Variants in UCK2 observed in about 807,000 individuals in gnomAD.
The protein encoded by UCK2 is uridine-cytidine kinase 2.
A neutral mutation model predicts 30.8 loss-of-function variants in UCK2; 6 were observed. That is an observed-to-expected ratio of 0.19 (90% CI 0.11 to 0.38). The LOEUF (loss-of-function observed/expected upper bound fraction) is 0.38, where lower values mean the gene tolerates loss of function less well. Ranked by LOEUF, UCK2 falls within the 10% of genes least tolerant of loss-of-function variation. The pLI is 1.00. For synonymous variants in UCK2, 125 were observed against 133.6 expected, an observed-to-expected ratio of 0.94 and a Z score of 0.45; for missense variants, 210 against 339.8, an observed-to-expected ratio of 0.62 and a Z score of 3.00.
rs151187223 is a variant in UCK2, at chr1:165,861,080, G to A, written c.100-29124G>A. 3.9e-3 allele frequency among the ~76,000 whole-genome samples: 592 copies of A among 152,198 alleles called. 1 individual carries two copies. The highest frequency in any genetic ancestry group is 0.014 in the Middle Eastern group (4 of 294). The stretch of plus-strand genomic sequence containing the variant: ...CAGTAGATTCAGTGTCTGGTGGGGG[G>A]CCCATTCTCTGCTTCATAGTTAGTG... On this transcript the variant is annotated intron_variant, in intron 1 of 6. Transcript: ENST00000367879.
At chr1:165,866,108 G>T (rs1655040956) in intron 1 of UCK2, among the ~76,000 whole-genome samples, 1 of 152,172 alleles carries the variant, frequency 6.6e-6, no homozygotes, top group African/African-American at 2.4e-5. Context: ...CTTCCTGGAA[G>T]AGGAAGTTAA....
rs1647259138 is a variant in UCK2, at chr1:165,896,263, G to C, written c.430G>C (p.Glu144Gln). Residue 144 changes from glutamate (E) to glutamine (Q), a missense_variant, in exon 4 of 7, where the codon GAG becomes CAG. By Grantham distance (29) the Glu-to-Gln change is conservative. Transcript: ENST00000367879. ...FEGILAFYSQ[E>Q]VRDLFQMKLF... is the part of the protein sequence containing the mutation. ...AGGGATCCTGGCCTTCTACTCCCAG[G>C]AGGTACGAGACCTGTTCCAGATGAA... 1.9e-6 allele frequency: 3 copies of C among 1,614,220 alleles called. No individual in the cohort carries two copies. Among genetic ancestry groups the C allele is most frequent in the South Asian group, 1.1e-5 (1 of 91,090 alleles).
At position 165,908,537 on chromosome 1, in the gene UCK2, C is replaced by G. The variant is rs1039405062; in HGVS notation, c.*714C>G. On this transcript the variant is annotated 3_prime_UTR_variant, in exon 7 of 7. Transcript: ENST00000367879. ...AAGTCTTCTGCATTTTCTTCCTGCC[C>G]TGCTCCCACCTTCTCGCCTCTGGCT... The G allele has an allele frequency of 3.3e-5, 5 of 151,276 alleles. No individual in the cohort carries two copies. Among genetic ancestry groups the G allele is most frequent in the Non-Finnish European group, 7.4e-5 (5 of 67,944 alleles). The allele number at this position is 151,276 out of a possible 1,614,324, so 9.4% of individuals were successfully genotyped here. A position where few individuals can be genotyped will look rare whatever the true frequency, so the allele number is the denominator to read the frequency against.
intron 1 of UCK2, 138 bp downstream of exon 1, chr1:165,828,070 G>A: frequency 4.5e-6 from 2 of 445,478 alleles, no homozygotes; most frequent in Non-Finnish European, 6.2e-6. Context: ...GCGCTCCAGC[G>A]CCGAGTGCGC....
chr1:165,903,393 G>C (rs898463582), intron 5 of UCK2, 114 bp downstream of exon 5: 4 of 860,688 alleles, frequency 4.6e-6, no homozygotes, highest in Non-Finnish European at 5.5e-6. Context: ...TCCTCTCTCT[G>C]AGTGATCCTC....
chr1:165,853,898 C>G (rs1654661184), intron 1 of UCK2, among the ~76,000 whole-genome samples: 1 of 152,138 alleles, frequency 6.6e-6, no homozygotes, highest in Non-Finnish European at 1.5e-5. Context: ...TTTGGAATGT[C>G]CACTCATGGG....
rs59187875 is a variant in UCK2, at chr1:165,835,956, C to T, written c.99+8024C>T. Among the ~76,000 whole-genome samples the T allele has an allele frequency of 1.6e-3, 246 of 152,264 alleles. 1 individual carries two copies. The highest frequency in any genetic ancestry group is 5.6e-3 in the African/African-American group (233 of 41,538). Reference sequence around the variant, plus strand: ...CAAAACAAATGGATACTGCCGGGCGCGGTGGCTCATGCCTGTAATCCTAGC... The same window carrying T: ...CAAAACAAATGGATACTGCCGGGCGTGGTGGCTCATGCCTGTAATCCTAGC... On this transcript the variant is annotated intron_variant, in intron 1 of 6. Coordinates refer to ENST00000367879, the MANE Select transcript of UCK2 (RefSeq NM_012474.5).
chr1:165,908,757 A>G lies in UCK2; in HGVS notation c.*934A>G. 6.6e-6 allele frequency: 1 copy of G among 152,360 alleles called. No individual in the cohort carries two copies. Among genetic ancestry groups the G allele is most frequent in the East Asian group, 1.9e-4 (1 of 5,196 alleles). The allele number at this position is 152,360 out of a possible 1,614,324, so 9.4% of individuals were successfully genotyped here. Reference sequence around the variant, plus strand: ...GTTCTTTCTGCATCCCAGGGGCGTAACTGATCTGACTCCTTGGGCTTTTTC... The same window carrying G: ...GTTCTTTCTGCATCCCAGGGGCGTAGCTGATCTGACTCCTTGGGCTTTTTC... On this transcript the variant is annotated 3_prime_UTR_variant, in exon 7 of 7. Transcript: ENST00000367879.
At chr1:165,837,979 A>G (rs1205091311) in intron 1 of UCK2, among the ~76,000 whole-genome samples, 8 of 152,200 alleles carry the variant, frequency 5.3e-5, no homozygotes, top group Admixed American at 5.2e-4. Flanking sequence ...CAGGCTGTCT[A>G]GAGAGAGCTT....
chr1:165,889,326 C>T (rs1208097263), intron 1 of UCK2, among the ~76,000 whole-genome samples: 2 of 152,178 alleles, frequency 1.3e-5, no homozygotes, highest in Non-Finnish European at 2.9e-5. Context: ...GTTTTTGGTT[C>T]CGTTGATATA....
intron 1 of UCK2, among the ~76,000 whole-genome samples, chr1:165,863,340 T>C (rs1654966483): frequency 6.6e-6 from 1 of 152,242 alleles, no homozygotes; most frequent in African/African-American, 2.4e-5. Context: ...AACATAGACT[T>C]TTCTGGATCT....
At chr1:165,833,090 G>T (rs1654094561) in intron 1 of UCK2, among the ~76,000 whole-genome samples, 1 of 152,168 alleles carries the variant, frequency 6.6e-6, no homozygotes, top group Middle Eastern at 3.2e-3. Flanking sequence ...TTCAGAATGT[G>T]CTCTGGACCC....
At chr1:165,904,994 G>A (rs1647602931) in intron 5 of UCK2, among the ~76,000 whole-genome samples, 1 of 152,148 alleles carries the variant, frequency 6.6e-6, no homozygotes. Flanking sequence ...TACTTTTTCT[G>A]GTTTTACCCT....
At chr1:165,844,227 A>G in intron 1 of UCK2, among the ~76,000 whole-genome samples, 1 of 152,254 alleles carries the variant, frequency 6.6e-6, no homozygotes, top group East Asian at 1.9e-4. Context: ...AAGGGCACGT[A>G]TGCCTTCTCC....
intron 1 of UCK2, among the ~76,000 whole-genome samples, chr1:165,828,709 C>G (rs1049518048): frequency 1.3e-5 from 2 of 152,082 alleles, no homozygotes; most frequent in African/African-American, 4.8e-5. Context: ...CTCTTAGGAG[C>G]CTGTTTCCTT....
At chr1:165,869,903 A>C (rs1306710140) in intron 1 of UCK2, among the ~76,000 whole-genome samples, 1 of 152,042 alleles carries the variant, frequency 6.6e-6, no homozygotes, top group East Asian at 1.9e-4. Flanking sequence ...TTCCCAAAGC[A>C]CAGGAATTAT....
intron 1 of UCK2, among the ~76,000 whole-genome samples, chr1:165,862,017 T>C (rs957405135): frequency 1.2e-4 from 18 of 152,222 alleles, no homozygotes; most frequent in Non-Finnish European, 4.4e-5. Context: ...CTTTCATGAC[T>C]TCCACTTGAA....
At chr1:165,876,924 A>G (rs1317149514) in intron 1 of UCK2, among the ~76,000 whole-genome samples, 2 of 152,256 alleles carry the variant, frequency 1.3e-5, no homozygotes, top group Non-Finnish European at 2.9e-5. Context: ...AGAAGGACAC[A>G]TGTCATGGGG....
intron 1 of UCK2, among the ~76,000 whole-genome samples, chr1:165,881,159 T>TA (rs1169685030): frequency 8.5e-6 from 1 of 118,260 alleles, no homozygotes; most frequent in African/African-American, 3.4e-5. Context: ...GGCGACAGAG[T>TA]AAGACTCTGT....
Sources: gnomAD v4.1 joint callset for allele counts (sites outside exome capture counted in the v4.1 genomes callset) on GRCh38, gnomAD v4.1.1 for gene constraint, MANE v1.5 for transcripts, NCBI Gene and HGNC (gene_info 2026-07-23, HGNC 2026-07-21) for gene names.